GLIS3: variants seen among roughly 807,000 people sequenced by gnomAD.
GLIS3 encodes GLIS family zinc finger 3.
Under a neutral mutation model 78.6 loss-of-function variants are expected in GLIS3, and 53 were observed. That is an observed-to-expected ratio of 0.67 (90% CI 0.54 to 0.85). The LOEUF (loss-of-function observed/expected upper bound fraction) is 0.85. Ranked by LOEUF, GLIS3 falls within the 40% of genes least tolerant of loss-of-function variation. GLIS3 has a pLI of 0.00. For missense variants in GLIS3, 1,703 were observed against 1,231.1 expected, an observed-to-expected ratio of 1.38 and a Z score of -5.74; for synonymous variants, 684 against 509.9, an observed-to-expected ratio of 1.34 and a Z score of -4.60.
chr9:3,973,349 T>TA (rs1818530065), intron 4 of GLIS3, among the ~76,000 whole-genome samples: 1 of 151,196 alleles, frequency 6.6e-6, no homozygotes, highest in African/African-American at 2.4e-5. Context: ...AGTTGACTGA[T>TA]ATTGTGTGTC....
intron 2 of GLIS3, among the ~76,000 whole-genome samples, chr9:4,277,551 T>C (rs532629594): frequency 6.6e-6 from 1 of 152,354 alleles, no homozygotes; most frequent in East Asian, 1.9e-4. Context: ...TGGTGTCCTT[T>C]GTTGATATTA....
At chr9:3,865,886 G>C (rs1481020087) in intron 8 of GLIS3, among the ~76,000 whole-genome samples, 1 of 151,802 alleles carries the variant, frequency 6.6e-6, no homozygotes, top group Non-Finnish European at 1.5e-5. Context: ...TGAAGAACCA[G>C]TGCATTTCAA....
chr9:3,880,917 C>G (rs1821686943), intron 7 of GLIS3, among the ~76,000 whole-genome samples: 1 of 152,210 alleles, frequency 6.6e-6, no homozygotes, highest in Non-Finnish European at 1.5e-5. Flanking sequence ...TCCTCAGAAG[C>G]CTGTACCTAC....
rs536825638 is a variant in GLIS3 at position 4,188,141 on chromosome 9, G to A, written c.389-62200C>T. Among the ~76,000 whole-genome samples the A allele has an allele frequency of 1.7e-4, 25 of 151,164 alleles. No individual in the cohort carries two copies. The East Asian group carries it at 4.7e-3, about 28-fold the overall frequency. ...TGATATTGGCTGTGGGTTTGTCATA[G>A]ATAGCTCTTATTATTTTGAGATACA... On this transcript the variant is annotated intron_variant, in intron 2 of 10. Transcript: ENST00000381971.
At chr9:4,102,076 T>C (rs1830410198) in intron 4 of GLIS3, among the ~76,000 whole-genome samples, 1 of 152,230 alleles carries the variant, frequency 6.6e-6, no homozygotes, top group Admixed American at 6.5e-5. Flanking sequence ...TGGCTTAAAA[T>C]ACTGCACTAT....
intron 4 of GLIS3, among the ~76,000 whole-genome samples, chr9:4,056,563 TG>T (rs1208211657): frequency 1.3e-5 from 2 of 151,962 alleles, no homozygotes; most frequent in Non-Finnish European, 2.9e-5. Flanking sequence ...AGCCAGACTT[TG>T]GGAAGAAAGT....
At chr9:4,182,671 T>C (rs941082252) in intron 2 of GLIS3, among the ~76,000 whole-genome samples, 1 of 152,194 alleles carries the variant, frequency 6.6e-6, no homozygotes, top group African/African-American at 2.4e-5. Context: ...CCATGAGTCA[T>C]GGTTCTCCCA....
chr9:4,403,770 T>A, the GLIS3 span, among the ~76,000 whole-genome samples: 1 of 148,748 alleles, frequency 6.7e-6, no homozygotes, highest in Non-Finnish European at 1.5e-5. Context: ...CCAGAGAAAA[T>A]CACCTTCATT....
chr9:3,944,228 G>C (rs1816136387), intron 4 of GLIS3, among the ~76,000 whole-genome samples: 1 of 152,154 alleles, frequency 6.6e-6, no homozygotes. Context: ...ACAATGTAGA[G>C]AGAAATATGT....
Position 4,105,797 on chromosome 9 carries a change from C to G in GLIS3, c.1710+11971G>C, listed in dbSNP as rs555033569. ...ACTGATTCCACCATAAAGCCTCATT[C>G]TATGGGCACAGCACAAAACCAGAGT... is the stretch of plus-strand genomic sequence containing the variant. On this transcript the variant is annotated intron_variant, in intron 4 of 10. Coordinates refer to ENST00000381971, the MANE Select transcript of GLIS3 (RefSeq NM_001042413.2). Among the ~76,000 whole-genome samples, 9 of 152,252 alleles carry G rather than the reference C, an allele frequency of 5.9e-5. 1 individual carries two copies. In the South Asian group the frequency reaches 1.5e-3, roughly 25 times the overall value.
the GLIS3 span, among the ~76,000 whole-genome samples, chr9:4,449,437 A>T: frequency 6.6e-6 from 1 of 152,150 alleles, no homozygotes; most frequent in Non-Finnish European, 1.5e-5. Context: ...AGACTTAAAC[A>T]TCCCTGTCTG....
the GLIS3 span, among the ~76,000 whole-genome samples, chr9:4,416,944 G>GA: frequency 5.3e-5 from 8 of 150,756 alleles, no homozygotes; most frequent in Non-Finnish European, 1.2e-4. Flanking sequence ...TCAGCCTAGT[G>GA]ATTTCTTCTA....
At chr9:3,844,350 T>A (rs1158619646) in intron 9 of GLIS3, among the ~76,000 whole-genome samples, 1 of 152,096 alleles carries the variant, frequency 6.6e-6, no homozygotes, top group Non-Finnish European at 1.5e-5. Flanking sequence ...AGACATAGAT[T>A]GTCATTAACA....
At chr9:3,995,949 T>C (rs1820712210) in intron 4 of GLIS3, among the ~76,000 whole-genome samples, 1 of 152,014 alleles carries the variant, frequency 6.6e-6, no homozygotes, top group Admixed American at 6.6e-5. Context: ...TAATTTTAGG[T>C]TTTAGGAATC....
chr9:3,988,009 A>G (rs1400802385), intron 4 of GLIS3, among the ~76,000 whole-genome samples: 4 of 152,040 alleles, frequency 2.6e-5, no homozygotes, highest in Non-Finnish European at 4.4e-5. Context: ...AAAATTTAAT[A>G]TATTTAAGGT....
At chr9:4,131,015 G>T (rs1036900112) in intron 2 of GLIS3, among the ~76,000 whole-genome samples, 1 of 152,226 alleles carries the variant, frequency 6.6e-6, no homozygotes, top group African/African-American at 2.4e-5. Flanking sequence ...TGTGAAACAA[G>T]GAGTTAAAGG....
chr9:4,407,432 T>C, the GLIS3 span, among the ~76,000 whole-genome samples: 1 of 152,132 alleles, frequency 6.6e-6, no homozygotes, highest in Non-Finnish European at 1.5e-5. Context: ...GATCACGAGG[T>C]CAGGAGATCG....
intron 8 of GLIS3, among the ~76,000 whole-genome samples, chr9:3,870,625 CT>C (rs1276652930): frequency 6.6e-6 from 1 of 152,216 alleles, no homozygotes; most frequent in Non-Finnish European, 1.5e-5. Context: ...GCAGAACCCC[CT>C]GATAAAACCA....
intron 2 of GLIS3, among the ~76,000 whole-genome samples, chr9:4,182,412 G>A (rs1817410164): frequency 1.3e-5 from 2 of 152,142 alleles, no homozygotes; most frequent in Non-Finnish European, 2.9e-5. Flanking sequence ...TCTTAACCAG[G>A]TAGGGTAATA....
Sources: gnomAD v4.1 joint callset for allele counts (sites outside exome capture counted in the v4.1 genomes callset) on GRCh38, gnomAD v4.1.1 for gene constraint, MANE v1.5 for transcripts, NCBI Gene and HGNC (gene_info 2026-07-23, HGNC 2026-07-21) for gene names.